Variants in GPC6 observed in about 807,000 individuals in gnomAD.
GPC6 encodes the protein glypican 6, also known as glypican-6.
A neutral mutation model predicts 55.2 loss-of-function variants in GPC6; 14 were observed. The observed-to-expected ratio is 0.25, with a 90% CI of 0.17 to 0.40. GPC6 has a LOEUF of 0.40. GPC6 is among the 10% of genes least tolerant of loss of function. The probability of loss-of-function intolerance (pLI) is 1.00; values close to 1 mark genes in which losing one functional copy is unlikely to be tolerated. For synonymous variants in GPC6, 278 were observed against 259.6 expected, an observed-to-expected ratio of 1.07 and a Z score of -0.68; for missense variants, 641 against 708.5, an observed-to-expected ratio of 0.90 and a Z score of 1.08.
At chr13:93,950,375 C>G (rs1879199876) in intron 3 of GPC6, among the ~76,000 whole-genome samples, 3 of 152,090 alleles carry the variant, frequency 2.0e-5, no homozygotes, top group Admixed American at 6.5e-5. Context: ...CTCTATTTCA[C>G]TGAAATAATA....
At chr13:94,122,004 C>A (rs575261361) in intron 4 of GPC6, among the ~76,000 whole-genome samples, 1 of 151,924 alleles carries the variant, frequency 6.6e-6, no homozygotes, top group African/African-American at 2.4e-5. Flanking sequence ...TTGGTGCTAC[C>A]GTTAAACAAT....
At chr13:93,375,082 G>A (rs1298470459) in intron 1 of GPC6, among the ~76,000 whole-genome samples, 1 of 152,102 alleles carries the variant, frequency 6.6e-6, no homozygotes, top group African/African-American at 2.4e-5. Flanking sequence ...TGAAATCCAT[G>A]TTATCCTGGC....
chr13:93,280,579 G>C (rs981039607), intron 1 of GPC6, among the ~76,000 whole-genome samples: 1 of 152,268 alleles, frequency 6.6e-6, no homozygotes, highest in African/African-American at 2.4e-5. Flanking sequence ...TTGAAGCATG[G>C]TGTTTTCACA....
chr13:94,382,833 A>C (rs1310589061), intron 7 of GPC6, among the ~76,000 whole-genome samples: 2 of 152,262 alleles, frequency 1.3e-5, no homozygotes, highest in African/African-American at 4.8e-5. Flanking sequence ...CCCTGAGATC[A>C]CAAAGAGCCC....
At chr13:93,259,825 T>A (rs1159251913) in intron 1 of GPC6, among the ~76,000 whole-genome samples, 1 of 152,142 alleles carries the variant, frequency 6.6e-6, no homozygotes, top group Non-Finnish European at 1.5e-5. Flanking sequence ...TTTCAATATC[T>A]TGTGTGGTAG....
intron 1 of GPC6, among the ~76,000 whole-genome samples, chr13:93,492,037 G>GT (rs1183626005): frequency 7.1e-5 from 10 of 141,632 alleles, no homozygotes; most frequent in South Asian, 4.7e-4. Flanking sequence ...CTTTAAAGTA[G>GT]TTTTTTCCAA....
intron 1 of GPC6, among the ~76,000 whole-genome samples, chr13:93,465,189 A>C (rs1878860477): frequency 6.6e-6 from 1 of 152,166 alleles, no homozygotes; most frequent in Admixed American, 6.5e-5. Flanking sequence ...ATGATTTTTG[A>C]AATGGCGAAT....
chr13:93,792,358 G>A (rs957859603), intron 2 of GPC6, among the ~76,000 whole-genome samples: 2 of 152,260 alleles, frequency 1.3e-5, no homozygotes, highest in East Asian at 1.9e-4. Context: ...TCGCCCAGGC[G>A]GGAGTGCAGT....
chr13:93,346,881 G>A (rs6492659), intron 1 of GPC6, among the ~76,000 whole-genome samples: 70,715 of 151,544 alleles, frequency 0.47, 18,459 homozygotes, highest in East Asian at 0.91. Context: ...AAATAAAAAT[G>A]TCATGAACTA....
chr13:94,271,751 C>T (rs923762928), intron 4 of GPC6, among the ~76,000 whole-genome samples: 1 of 152,118 alleles, frequency 6.6e-6, no homozygotes, highest in Non-Finnish European at 1.5e-5. Context: ...CTCACTTTCT[C>T]TCTTTCTCTG....
rs1417211480 is a variant in GPC6 at position 93,686,225 on chromosome 13, T to C, written c.319+140804T>C. On this transcript the variant is annotated intron_variant, in intron 2 of 8. Coordinates refer to ENST00000377047, the MANE Select transcript of GPC6 (RefSeq NM_005708.5). ...TGCCTTCACCTTCAATGCGACATAATCAGGATTAAGAATCCAACTTCTGAT... is the reference window on the plus strand; with the variant it reads ...TGCCTTCACCTTCAATGCGACATAACCAGGATTAAGAATCCAACTTCTGAT... 2.0e-5 allele frequency among the ~76,000 whole-genome samples: 3 copies of C among 152,172 alleles called. No homozygotes were observed. The East Asian group carries it at 5.8e-4, about 29-fold the overall frequency.
chr13:93,689,569 C>T (rs886230277), intron 2 of GPC6, among the ~76,000 whole-genome samples: 1 of 152,030 alleles, frequency 6.6e-6, no homozygotes, highest in African/African-American at 2.4e-5. Flanking sequence ...AAATAAATAT[C>T]TCAGGCAAAG....
At chr13:93,823,311 T>C in intron 2 of GPC6, among the ~76,000 whole-genome samples, 1 of 152,292 alleles carries the variant, frequency 6.6e-6, no homozygotes, top group East Asian at 1.9e-4. Flanking sequence ...TGACTTAGGA[T>C]AGACTACAAA....
chr13:93,327,263 A>T (rs1879687231), intron 1 of GPC6, among the ~76,000 whole-genome samples: 1 of 152,162 alleles, frequency 6.6e-6, no homozygotes, highest in Non-Finnish European at 1.5e-5. Context: ...CAAATAAATT[A>T]TTAGGGAATT....
intron 6 of GPC6, among the ~76,000 whole-genome samples, chr13:94,365,742 G>C (rs1019430389): frequency 6.6e-6 from 1 of 152,134 alleles, no homozygotes; most frequent in African/African-American, 2.4e-5. Flanking sequence ...AATCATGTTT[G>C]CAATATCTTA....
chr13:94,202,405 C>T (rs565042135), intron 4 of GPC6, among the ~76,000 whole-genome samples: 2 of 152,180 alleles, frequency 1.3e-5, no homozygotes, highest in Non-Finnish European at 1.5e-5. Flanking sequence ...GGAAGTCTCA[C>T]AAACATGGTG....
chr13:93,750,511 C>A (rs1884541051), intron 2 of GPC6, among the ~76,000 whole-genome samples: 1 of 152,164 alleles, frequency 6.6e-6, no homozygotes, highest in African/African-American at 2.4e-5. Flanking sequence ...GTGGTTGCTA[C>A]TTCCTATTTC....
At chr13:93,578,838 C>G (rs2139485462) in intron 2 of GPC6, among the ~76,000 whole-genome samples, 1 of 152,040 alleles carries the variant, frequency 6.6e-6, no homozygotes, top group South Asian at 2.1e-4. Context: ...AAACTTCCCT[C>G]TCAGTACTAC....
At chr13:93,259,400 T>C (rs1877061223) in intron 1 of GPC6, among the ~76,000 whole-genome samples, 1 of 152,158 alleles carries the variant, frequency 6.6e-6, no homozygotes, top group Non-Finnish European at 1.5e-5. Flanking sequence ...GGGAATATAA[T>C]CAGATTTATG....
Sources: allele counts gnomAD v4.1 joint callset (sites outside exome capture counted in the v4.1 genomes callset), GRCh38; gene constraint gnomAD v4.1.1; transcripts MANE v1.5; gene names NCBI Gene and HGNC (gene_info 2026-07-23, HGNC 2026-07-21).